Variants in CSMD1 observed in about 807,000 individuals in gnomAD.
CSMD1 encodes CUB and sushi domain-containing protein 1.
In CSMD1, 213 loss-of-function variants were observed where a neutral mutation model predicts 417.5. That is an observed-to-expected ratio of 0.51 (90% CI 0.46 to 0.57). CSMD1 has a LOEUF of 0.57. CSMD1 is among the 20% of genes least tolerant of loss of function. The probability of loss-of-function intolerance (pLI) is 0.00; values close to 1 mark genes in which losing one functional copy is unlikely to be tolerated. For missense variants in CSMD1, 6,923 were observed against 4,529.7 expected, an observed-to-expected ratio of 1.53 and a Z score of -15.17; for synonymous variants, 2,862 against 1,736.8, an observed-to-expected ratio of 1.65 and a Z score of -16.11.
At chr8:3,219,871 A>C (rs577421235) in intron 28 of CSMD1, among the ~76,000 whole-genome samples, 12 of 152,160 alleles carry the variant, frequency 7.9e-5, no homozygotes, top group Non-Finnish European at 1.6e-4. Context: ...AAAATATTGC[A>C]ATTTCAAAAT....
intron 2 of CSMD1, among the ~76,000 whole-genome samples, chr8:4,476,532 G>C (rs947705422): frequency 6.6e-6 from 1 of 152,192 alleles, no homozygotes; most frequent in Admixed American, 6.5e-5. Flanking sequence ...TCTAAAATAT[G>C]TATTTATAAA....
intron 23 of CSMD1, among the ~76,000 whole-genome samples, chr8:3,330,814 T>C (rs140959506): frequency 6.6e-6 from 1 of 152,290 alleles, no homozygotes; most frequent in East Asian, 1.9e-4. Flanking sequence ...TGCTCTCCCA[T>C]GGATATAGGA....
chr8:3,566,727 G>T (rs1799728341), intron 10 of CSMD1, among the ~76,000 whole-genome samples: 1 of 152,132 alleles, frequency 6.6e-6, no homozygotes, highest in African/African-American at 2.4e-5. Context: ...ACCACAATAA[G>T]ATACCATCTC....
At chr8:4,810,199 C>G (rs1798814640) in intron 1 of CSMD1, among the ~76,000 whole-genome samples, 1 of 152,188 alleles carries the variant, frequency 6.6e-6, no homozygotes, top group Non-Finnish European at 1.5e-5. Context: ...TATTAACTCA[C>G]ATCCATTCCC....
chr8:3,970,532 G>T (rs1477323351), intron 5 of CSMD1, among the ~76,000 whole-genome samples: 1 of 152,132 alleles, frequency 6.6e-6, no homozygotes, highest in African/African-American at 2.4e-5. Context: ...GGACGATTAA[G>T]GACCCTGAAG....
At chr8:4,195,776 C>T (rs1197820167) in intron 3 of CSMD1, among the ~76,000 whole-genome samples, 1 of 152,130 alleles carries the variant, frequency 6.6e-6, no homozygotes, top group African/African-American at 2.4e-5. Flanking sequence ...GTGGATTCTG[C>T]ACACAACCTG....
chr8:2,996,859 G>T (rs906393832), intron 54 of CSMD1, among the ~76,000 whole-genome samples: 1 of 152,334 alleles, frequency 6.6e-6, no homozygotes. Flanking sequence ...AAGAAAAGTT[G>T]TAGTTCAGGT....
At chr8:4,734,557 A>C in intron 1 of CSMD1, among the ~76,000 whole-genome samples, 1 of 152,226 alleles carries the variant, frequency 6.6e-6, no homozygotes, top group Admixed American at 6.5e-5. Context: ...GCGAAGTATA[A>C]GTAAATGCTG....
At chr8:4,519,763 A>G (rs1803331836) in intron 2 of CSMD1, among the ~76,000 whole-genome samples, 2 of 148,442 alleles carry the variant, frequency 1.3e-5, no homozygotes, top group African/African-American at 2.5e-5. Context: ...AAAAAAAAAA[A>G]AAAAAAAAAA....
intron 10 of CSMD1, among the ~76,000 whole-genome samples, chr8:3,566,074 T>C (rs554521667): frequency 6.6e-6 from 1 of 151,946 alleles, no homozygotes. Context: ...TTTCTGACCC[T>C]AGTCATTTAA....
rs535464363 is a variant in CSMD1, at chr8:4,720,439, A to T, written c.86-82881T>A. Among the ~76,000 whole-genome samples the T allele has an allele frequency of 4.6e-5, 7 of 152,090 alleles. No homozygotes were observed. The South Asian group carries it at 6.2e-4, about 13-fold the overall frequency. On this transcript the variant is annotated intron_variant, in intron 1 of 69. Transcript: ENST00000635120. ...TGAATAATTTTTTTTGTTTTTTGAG[A>T]TGGAGTCTTGCTCTGTCACTCATGC...
chr8:4,452,659 T>C (rs1211862484), intron 2 of CSMD1, among the ~76,000 whole-genome samples: 3 of 152,186 alleles, frequency 2.0e-5, no homozygotes, highest in African/African-American at 4.8e-5. Flanking sequence ...AAACGTAACA[T>C]TGCATATTTT....
At chr8:3,536,923 T>G (rs1231756005) in intron 10 of CSMD1, among the ~76,000 whole-genome samples, 2 of 152,244 alleles carry the variant, frequency 1.3e-5, no homozygotes, top group Non-Finnish European at 2.9e-5. Context: ...ACGATTGCCC[T>G]AGTCGTCAGT....
chr8:3,131,324 C>G (rs1051297839), intron 41 of CSMD1, among the ~76,000 whole-genome samples: 7 of 148,596 alleles, frequency 4.7e-5, no homozygotes, highest in Non-Finnish European at 8.9e-5. Context: ...GCACATGTAC[C>G]CTAAAACTTA....
At chr8:4,674,665 T>A (rs1805559683) in intron 1 of CSMD1, among the ~76,000 whole-genome samples, 1 of 151,938 alleles carries the variant, frequency 6.6e-6, no homozygotes, top group Non-Finnish European at 1.5e-5. Context: ...AGAACAACAA[T>A]AACAACAACA....
intron 3 of CSMD1, among the ~76,000 whole-genome samples, chr8:4,127,288 C>T (rs908915242): frequency 1.3e-5 from 2 of 151,874 alleles, no homozygotes; most frequent in African/African-American, 2.4e-5. Context: ...ATGCGGCTCC[C>T]TCTGCTTTTC....
At chr8:3,320,183 T>G (rs1243232493) in intron 23 of CSMD1, among the ~76,000 whole-genome samples, 1 of 152,130 alleles carries the variant, frequency 6.6e-6, no homozygotes. Flanking sequence ...ATAATGACGA[T>G]TATAAGAGTC....
At chr8:4,402,818 T>C (rs1284250919) in intron 3 of CSMD1, among the ~76,000 whole-genome samples, 2,948 of 66,160 alleles carry the variant, frequency 0.045, 30 homozygotes, top group African/African-American at 0.12. Flanking sequence ...TTTTTTTTTT[T>C]TTCTTTTTTT....
chr8:4,375,169 C>T (rs752504552), intron 3 of CSMD1, among the ~76,000 whole-genome samples: 9 of 152,028 alleles, frequency 5.9e-5, no homozygotes, highest in Admixed American at 1.3e-4. Context: ...GGTAAAATAA[C>T]GAAAGCAAGA....
Sources: allele counts gnomAD v4.1 joint callset (sites outside exome capture counted in the v4.1 genomes callset), GRCh38; gene constraint gnomAD v4.1.1; transcripts MANE v1.5; gene names NCBI Gene and HGNC (gene_info 2026-07-23, HGNC 2026-07-21).